Variants in CCNY observed in about 807,000 individuals in gnomAD.
CCNY encodes cyclin Y.
In CCNY, 19 loss-of-function variants were observed where a neutral mutation model predicts 42.8. The observed-to-expected ratio is 0.44, with a 90% confidence interval of 0.31 to 0.65. CCNY has a LOEUF of 0.65. Among genes scored for constraint, CCNY ranks in the 30% least tolerant of loss-of-function variants. The pLI is 0.07. For missense variants in CCNY, 370 were observed against 437.3 expected, an observed-to-expected ratio of 0.85 and a Z score of 1.37; for synonymous variants, 165 against 162.7, an observed-to-expected ratio of 1.01 and a Z score of -0.11.
rs1464075687 is a variant in CCNY at position 35,325,227 on chromosome 10, G to T, written c.-9+74601G>T. Among the ~76,000 whole-genome samples, 4 of 152,176 alleles carry T rather than the reference G, an allele frequency of 2.6e-5. No individual in the cohort carries two copies. In the South Asian group the frequency reaches 8.3e-4, roughly 32 times the overall value. On this transcript the variant is annotated intron_variant, in intron 3 of 11. Transcript: ENST00000374706. The stretch of plus-strand genomic sequence containing the variant: ...GGAGTCTCACTCTGTCACCCAGGCT[G>T]GAATGCAGTGGCATGATCTCGGCTC...
Position 35,478,997 on chromosome 10 carries a change from G to T in CCNY, c.155-4407G>T, listed in dbSNP as rs1400827799. The stretch of plus-strand genomic sequence containing the variant: ...AGACATTTATGCAGCCAAAAAACAC[G>T]TGAAAAAATGCTCACCATCACTGGC... On this transcript the variant is annotated intron_variant, in intron 1 of 9. Coordinates refer to ENST00000374704, the MANE Select transcript of CCNY (RefSeq NM_145012.6). Among the ~76,000 whole-genome samples the T allele has an allele frequency of 3.3e-5, 5 of 152,050 alleles. No homozygotes were observed. In the East Asian group the frequency reaches 7.7e-4, roughly 23 times the overall value.
chr10:35,501,958 A>G (rs899997823), intron 3 of CCNY, among the ~76,000 whole-genome samples: 4 of 152,070 alleles, frequency 2.6e-5, no homozygotes, highest in African/African-American at 9.7e-5. Context: ...GACTCTTCCC[A>G]TTTGTTGTTT....
At chr10:35,515,667 A>G (rs1469558857) in intron 3 of CCNY, among the ~76,000 whole-genome samples, 3 of 152,228 alleles carry the variant, frequency 2.0e-5, no homozygotes, top group Admixed American at 6.5e-5. Flanking sequence ...ACTTGTTTGC[A>G]TAATTTAACT....
At position 35,324,669 on chromosome 10, in the gene CCNY, G is replaced by A. The variant is rs1357516976; in HGVS notation, c.-9+74043G>A. Among the ~76,000 whole-genome samples, 6 of 152,308 alleles carry A rather than the reference G, an allele frequency of 3.9e-5. No homozygotes were observed. The East Asian group carries it at 7.7e-4, about 20-fold the overall frequency. ...CTTTAGTAGTCTAGAGAGGCCTGATGAGAAACTCATACTTATGCAGAACCA... is the reference window on the plus strand; with the variant it reads ...CTTTAGTAGTCTAGAGAGGCCTGATAAGAAACTCATACTTATGCAGAACCA... On this transcript the variant is annotated intron_variant, in intron 3 of 11. Coordinates refer to the CCNY transcript ENST00000374706.
chr10:35,551,274 G>A (rs188507556), intron 7 of CCNY, among the ~76,000 whole-genome samples: 150 of 152,294 alleles, frequency 9.8e-4, no homozygotes, highest in Admixed American at 9.8e-3. Context: ...GAAGTAACAA[G>A]TGTGAATTCT....
At chr10:35,320,044 C>G (rs1835803267) in intron 3 of CCNY, among the ~76,000 whole-genome samples, 8 of 152,148 alleles carry the variant, frequency 5.3e-5, no homozygotes, top group Admixed American at 5.2e-4. Context: ...GAGGTGGCTT[C>G]AGCAGTAAAT....
intron 1 of CCNY, among the ~76,000 whole-genome samples, chr10:35,476,884 C>T (rs1200495126): frequency 1.3e-5 from 2 of 151,828 alleles, no homozygotes; most frequent in African/African-American, 2.4e-5. Flanking sequence ...ATTGATAGAC[C>T]ACTAGCAAGA....
chr10:35,557,554 C>G (rs969628375), intron 8 of CCNY, among the ~76,000 whole-genome samples: 57 of 152,072 alleles, frequency 3.7e-4, no homozygotes, highest in Non-Finnish European at 1.2e-4. Context: ...GTCAGGAGTT[C>G]AAGCCAGCCT....
intron 1 of CCNY, among the ~76,000 whole-genome samples, chr10:35,460,642 A>G (rs946036226): frequency 2.0e-5 from 3 of 152,264 alleles, no homozygotes; most frequent in African/African-American, 7.2e-5. Context: ...GCAGGAGCTC[A>G]GAGGAAATAA....
At chr10:35,523,281 C>T (rs1840585524) in intron 4 of CCNY, among the ~76,000 whole-genome samples, 2 of 152,190 alleles carry the variant, frequency 1.3e-5, no homozygotes, top group African/African-American at 4.8e-5. Context: ...TTCATTTCCA[C>T]TTGGCCCACT....
intron 1 of CCNY, among the ~76,000 whole-genome samples, chr10:35,458,506 T>C (rs1404575808): frequency 1.3e-5 from 2 of 152,226 alleles, no homozygotes; most frequent in Non-Finnish European, 2.9e-5. Flanking sequence ...GGGTGGCACC[T>C]TAGTATTCCC....
intron 1 of CCNY, among the ~76,000 whole-genome samples, chr10:35,465,669 A>G (rs1484084439): frequency 1.3e-5 from 2 of 151,840 alleles, no homozygotes; most frequent in African/African-American, 4.8e-5. Context: ...GTTCCCTAAT[A>G]AGCTTTTCTC....
chr10:35,492,675 G>A (rs1306482761), intron 2 of CCNY, among the ~76,000 whole-genome samples: 2 of 152,222 alleles, frequency 1.3e-5, no homozygotes, highest in Non-Finnish European at 2.9e-5. Context: ...CTAGCACATA[G>A]AAGAAACTCA....
intron 3 of CCNY, among the ~76,000 whole-genome samples, chr10:35,306,946 A>G (rs1191361237): frequency 6.8e-6 from 1 of 146,186 alleles, no homozygotes; most frequent in East Asian, 2.0e-4. Context: ...CTGCAAAGAT[A>G]AGGGTTTCTA....
intron 1 of CCNY, among the ~76,000 whole-genome samples, chr10:35,408,902 C>T (rs1163000723): frequency 6.6e-6 from 1 of 151,800 alleles, no homozygotes; most frequent in Non-Finnish European, 1.5e-5. Context: ...ATCATAAATG[C>T]CTCTACTTTG....
At chr10:35,357,920 A>G (rs917767794) in intron 1 of CCNY, among the ~76,000 whole-genome samples, 1 of 151,734 alleles carries the variant, frequency 6.6e-6, no homozygotes, top group African/African-American at 2.4e-5. Context: ...GTTTTAATCT[A>G]TTATTTTTTT....
chr10:35,542,259 C>T (rs61464746), intron 7 of CCNY, among the ~76,000 whole-genome samples: 8,899 of 150,820 alleles, frequency 0.059, 795 homozygotes, highest in African/African-American at 0.19. Context: ...ATTTGTCTGA[C>T]GTTTTTGTCA....
At chr10:35,270,947 G>A (rs58253661) in intron 3 of CCNY, among the ~76,000 whole-genome samples, 18,085 of 151,562 alleles carry the variant, frequency 0.12, 2,257 homozygotes, top group African/African-American at 0.32. Context: ...GGATGGTCTC[G>A]ATCTCCTGAC....
intron 8 of CCNY, among the ~76,000 whole-genome samples, chr10:35,563,788 C>T (rs1480352211): frequency 6.6e-6 from 1 of 152,044 alleles, no homozygotes; most frequent in Non-Finnish European, 1.5e-5. Flanking sequence ...CTCACTGCAA[C>T]TTCCGCCTCC....
Sources: allele counts gnomAD v4.1 joint callset (sites outside exome capture counted in the v4.1 genomes callset), GRCh38; gene constraint gnomAD v4.1.1; transcripts MANE v1.5; gene names NCBI Gene and HGNC (gene_info 2026-07-23, HGNC 2026-07-21).